AGTPBP1: variants seen among roughly 807,000 people sequenced by gnomAD.
AGTPBP1 encodes cytosolic carboxypeptidase 1.
In AGTPBP1, 70 loss-of-function variants were observed where a neutral mutation model predicts 143.9. That is an observed-to-expected ratio of 0.49 (90% CI 0.40 to 0.59). AGTPBP1 has a LOEUF of 0.59. Ranked by LOEUF, AGTPBP1 falls within the 20% of genes least tolerant of loss-of-function variation. The probability of loss-of-function intolerance (pLI) is 0.00; values close to 1 mark genes in which losing one functional copy is unlikely to be tolerated. For missense variants in AGTPBP1, 1,229 were observed against 1,464.5 expected (o/e 0.84, Z 2.62); for synonymous variants, 463 against 500.2 (o/e 0.93, Z 0.99).
At chr9:85,728,917 C>T (rs1413859544) in intron 1 of AGTPBP1, among the ~76,000 whole-genome samples, 1 of 152,026 alleles carries the variant, frequency 6.6e-6, no homozygotes, top group Non-Finnish European at 1.5e-5. Flanking sequence ...ATATTAGGTG[C>T]AAAAGTAATC....
the AGTPBP1 span, among the ~76,000 whole-genome samples, chr9:85,772,092 C>T: frequency 2.6e-5 from 4 of 151,752 alleles, no homozygotes; most frequent in African/African-American, 7.3e-5. Context: ...TCTCCTGCCT[C>T]AGCCTCCTGA....
intron 3 of AGTPBP1, among the ~76,000 whole-genome samples, chr9:85,687,651 C>A (rs1835564543): frequency 6.6e-6 from 1 of 151,732 alleles, no homozygotes; most frequent in Non-Finnish European, 1.5e-5. Context: ...AAAATTAGAA[C>A]ATATTGTCAA....
chr9:85,596,476 A>T (rs759922566), intron 17 of AGTPBP1, 27 bp from the exon 18 acceptor site: 6 of 1,438,314 alleles, frequency 4.2e-6, no homozygotes, highest in Non-Finnish European at 5.7e-6. Flanking sequence ...AAAAGAGAGA[A>T]AATTATTTTC....
intron 1 of AGTPBP1, among the ~76,000 whole-genome samples, chr9:85,739,434 C>A (rs1207868357): frequency 1.3e-5 from 2 of 152,096 alleles, no homozygotes; most frequent in Non-Finnish European, 2.9e-5. Context: ...CCAGGACGGG[C>A]GTGGTGGCGG....
chr9:85,692,145 A>G (rs1835917253), intron 3 of AGTPBP1, among the ~76,000 whole-genome samples: 1 of 152,120 alleles, frequency 6.6e-6, no homozygotes, highest in South Asian at 2.1e-4. Flanking sequence ...ATTAGGTACT[A>G]TTTGTAAATG....
At chr9:85,644,938 T>A (rs1443003941) in intron 12 of AGTPBP1, among the ~76,000 whole-genome samples, 3 of 152,028 alleles carry the variant, frequency 2.0e-5, no homozygotes, top group Admixed American at 2.0e-4. Context: ...AAGAAGATAA[T>A]AAAGCTCAGC....
chr9:85,572,033 T>G (rs1458503131), intron 25 of AGTPBP1, among the ~76,000 whole-genome samples: 17 of 65,736 alleles, frequency 2.6e-4, no homozygotes, highest in Admixed American at 1.1e-3. Context: ...TTTTTTTTTT[T>G]TTTTTTTTTT....
chr9:85,672,099 C>G (rs1484718967), intron 7 of AGTPBP1, among the ~76,000 whole-genome samples: 4 of 150,900 alleles, frequency 2.7e-5, no homozygotes, highest in Admixed American at 1.3e-4. Flanking sequence ...GAGACGGAGT[C>G]TTGCTCTATC....
chr9:85,682,021 T>C (rs1469916136), intron 3 of AGTPBP1, among the ~76,000 whole-genome samples: 1 of 151,828 alleles, frequency 6.6e-6, no homozygotes, highest in Non-Finnish European at 1.5e-5. Context: ...GTGCTGGGAT[T>C]ACAGGCATGA....
intron 1 of AGTPBP1, among the ~76,000 whole-genome samples, chr9:85,736,466 T>TC (rs1459013156): frequency 3.3e-5 from 5 of 152,190 alleles, no homozygotes; most frequent in Admixed American, 2.6e-4. Context: ...AAGTATATAT[T>TC]ATCAATTACA....
the AGTPBP1 span, among the ~76,000 whole-genome samples, chr9:85,797,124 C>CT: frequency 6.6e-6 from 1 of 152,014 alleles, no homozygotes; most frequent in Non-Finnish European, 1.5e-5. Context: ...ATCTCTCTCT[C>CT]TCTCTTTTTT....
chr9:85,750,075 G>T, the AGTPBP1 span, among the ~76,000 whole-genome samples: 1 of 151,938 alleles, frequency 6.6e-6, no homozygotes, highest in African/African-American at 2.4e-5. Context: ...ATAGAGACAG[G>T]GTTTCATGGT....
In AGTPBP1 at chr9:85,741,785, TG is replaced by T; in HGVS notation, c.-45del. The T allele has an allele frequency of 7.4e-7, 1 of 1,351,520 alleles. No homozygotes were observed. Among genetic ancestry groups the T allele is most frequent in the Non-Finnish European group, 9.5e-7 (1 of 1,053,926 alleles). The allele number at this position is 1,351,520 out of a possible 1,614,324, so 83.7% of individuals were successfully genotyped here. A position where few individuals can be genotyped will look rare whatever the true frequency, so the allele number is the denominator to read the frequency against. ...CAGCAGGGCGCTCACCGGCTCAGGA[TG>T]GGGCGCTGGCGGGGACCGCGCAGAG... On this transcript the variant is annotated 5_prime_UTR_variant, in exon 1 of 26. It introduces an in-frame stop codon into an upstream open reading frame of the 5' UTR. Transcript: ENST00000357081.
intron 15 of AGTPBP1, among the ~76,000 whole-genome samples, chr9:85,620,869 T>C (rs1358996334): frequency 2.6e-5 from 4 of 152,206 alleles, no homozygotes; most frequent in African/African-American, 9.7e-5. Context: ...GCATTTCATA[T>C]AAAATATCCA....
At position 85,712,502 on chromosome 9, in the gene AGTPBP1, CT is replaced by C. The variant is rs1415972934; in HGVS notation, c.31del (p.Ser11AlafsTer9). ...ATACTGATATTCAGAATTACAGTAC[CT>C]TTTTTCTGGTATCACTTTTAACTTG... MSKLKVIPEK[S>X]LTNNSRIVGL... On this transcript the variant is annotated frameshift_variant and splice_region_variant, in exon 2 of 26. Coordinates refer to ENST00000357081, the MANE Select transcript of AGTPBP1 (RefSeq NM_001330701.2). LOFTEE classifies it high-confidence loss of function. 9 of 1,485,846 alleles carry C rather than the reference CT, an allele frequency of 6.1e-6. No homozygotes were observed. The highest frequency in any genetic ancestry group is 1.3e-5 in the South Asian group (1 of 75,534). The allele number at this position is 1,485,846 out of a possible 1,614,324, so 92.0% of individuals were successfully genotyped here.
intron 1 of AGTPBP1, among the ~76,000 whole-genome samples, chr9:85,727,169 A>C (rs956807364): frequency 6.6e-6 from 1 of 152,278 alleles, no homozygotes; most frequent in Admixed American, 6.5e-5. Context: ...TCTACCAAAA[A>C]TACAAAAATC....
chr9:85,558,350 T>C (rs937303863), intron 25 of AGTPBP1, among the ~76,000 whole-genome samples: 2 of 152,206 alleles, frequency 1.3e-5, no homozygotes, highest in Non-Finnish European at 2.9e-5. Flanking sequence ...TTAATTGGTA[T>C]GAGGGTCTCC....
intron 6 of AGTPBP1, among the ~76,000 whole-genome samples, chr9:85,675,713 A>G (rs1834784546): frequency 6.6e-6 from 1 of 152,176 alleles, no homozygotes; most frequent in African/African-American, 2.4e-5. Flanking sequence ...CAGTTACTGC[A>G]GGTCACTAGT....
chr9:85,652,813 G>A (rs1160062673), intron 11 of AGTPBP1, among the ~76,000 whole-genome samples: 1 of 152,192 alleles, frequency 6.6e-6, no homozygotes, highest in Non-Finnish European at 1.5e-5. Context: ...CATACAGGTA[G>A]TCCAGACTTG....
Sources: allele counts gnomAD v4.1 joint callset (sites outside exome capture counted in the v4.1 genomes callset), GRCh38; gene constraint gnomAD v4.1.1; transcripts MANE v1.5; gene names NCBI Gene and HGNC (gene_info 2026-07-23, HGNC 2026-07-21).